DENND1A: variants seen among roughly 807,000 people sequenced by gnomAD.
DENND1A encodes the protein DENN domain-containing protein 1A.
DENND1A carries 51 observed loss-of-function variants against 113.7 expected under a neutral mutation model. The observed-to-expected ratio is 0.45, with a 90% confidence interval of 0.36 to 0.57. The LOEUF (loss-of-function observed/expected upper bound fraction) is 0.57. Ranked by LOEUF, DENND1A falls within the 20% of genes least tolerant of loss-of-function variation. The probability of loss-of-function intolerance (pLI) is 0.00; values close to 1 mark genes in which losing one functional copy is unlikely to be tolerated. For missense variants in DENND1A, 1,258 were observed against 1,395.9 expected, an observed-to-expected ratio of 0.90 and a Z score of 1.57; for synonymous variants, 565 against 570.8, an observed-to-expected ratio of 0.99 and a Z score of 0.14.
intron 13 of DENND1A, among the ~76,000 whole-genome samples, chr9:123,531,369 T>A (rs138864321): frequency 0.031 from 4,688 of 152,248 alleles, 86 homozygotes; most frequent in Middle Eastern, 0.071. Flanking sequence ...ACTTCATTTT[T>A]AAAAAATCTT....
At chr9:123,413,588 G>A in intron 19 of DENND1A, 2 of 985,568 alleles carry the variant, frequency 2.0e-6, no homozygotes, top group Non-Finnish European at 2.4e-6. Context: ...TGAGGGGAAA[G>A]CGGGTCCAGG....
At chr9:123,911,777 G>A (rs750632108) in intron 1 of DENND1A, among the ~76,000 whole-genome samples, 4 of 151,386 alleles carry the variant, frequency 2.6e-5, no homozygotes, top group East Asian at 3.9e-4. Flanking sequence ...TGCAAGCTCC[G>A]CCTCCTGGGT....
intron 13 of DENND1A, among the ~76,000 whole-genome samples, chr9:123,517,596 G>T (rs938850168): frequency 2.0e-5 from 3 of 152,044 alleles, no homozygotes; most frequent in African/African-American, 7.2e-5. Context: ...TCCAGCCTGG[G>T]CAACAGAGCA....
At chr9:123,588,596 G>A (rs1336662412) in intron 11 of DENND1A, among the ~76,000 whole-genome samples, 1 of 125,262 alleles carries the variant, frequency 8.0e-6, no homozygotes, top group Non-Finnish European at 1.6e-5. Context: ...CTCCAGCCTA[G>A]GTGACAAGAG....
At chr9:123,585,865 C>T (rs889475491) in intron 11 of DENND1A, among the ~76,000 whole-genome samples, 5 of 152,150 alleles carry the variant, frequency 3.3e-5, no homozygotes, top group African/African-American at 1.2e-4. Flanking sequence ...TCTCACTCCC[C>T]CTAGGGCTGC....
At chr9:123,897,915 G>C (rs567590024) in intron 1 of DENND1A, among the ~76,000 whole-genome samples, 1 of 150,082 alleles carries the variant, frequency 6.7e-6, no homozygotes, top group African/African-American at 2.5e-5. Flanking sequence ...ACTCCACTCC[G>C]GGCAACAGAG....
At chr9:123,447,262 G>C (rs1408841270) in intron 18 of DENND1A, among the ~76,000 whole-genome samples, 2 of 152,192 alleles carry the variant, frequency 1.3e-5, no homozygotes, top group Non-Finnish European at 2.9e-5. Flanking sequence ...TGACCACCTT[G>C]CTCCATTTAT....
intron 2 of DENND1A, among the ~76,000 whole-genome samples, chr9:123,812,310 C>A (rs566126509): frequency 1.3e-5 from 2 of 151,970 alleles, no homozygotes; most frequent in Admixed American, 1.3e-4. Flanking sequence ...GGATCCATTC[C>A]TTTTAATTGC....
intron 13 of DENND1A, among the ~76,000 whole-genome samples, chr9:123,481,150 C>A (rs1423613423): frequency 6.6e-6 from 1 of 152,144 alleles, no homozygotes; most frequent in Non-Finnish European, 1.5e-5. Flanking sequence ...CAGAGAAGCG[C>A]CTCTTTTGAA....
chr9:123,534,711 C>G (rs2055591920), intron 13 of DENND1A, among the ~76,000 whole-genome samples: 1 of 152,162 alleles, frequency 6.6e-6, no homozygotes, highest in Non-Finnish European at 1.5e-5. Flanking sequence ...GTCTTGTTTC[C>G]TTGATTATCA....
chr9:123,601,576 G>A (rs966776163), intron 11 of DENND1A, among the ~76,000 whole-genome samples: 1 of 152,120 alleles, frequency 6.6e-6, no homozygotes, highest in Non-Finnish European at 1.5e-5. Flanking sequence ...CCAGGACCAA[G>A]CCACCGTTCA....
chr9:123,929,863 G>A (rs1167384403), intron 1 of DENND1A, 26 bp downstream of exon 1: 2 of 266,496 alleles, frequency 7.5e-6, no homozygotes, highest in Non-Finnish European at 1.4e-5. Flanking sequence ...GCCCGGCCCG[G>A]CTCCGCCCGG....
intron 3 of DENND1A, among the ~76,000 whole-genome samples, chr9:123,774,007 G>A (rs1035473005): frequency 1.3e-5 from 2 of 152,122 alleles, no homozygotes; most frequent in South Asian, 2.1e-4. Context: ...GTCCAAAAAC[G>A]ACAGTGAAAG....
chr9:123,907,516 A>G (rs1182880255), intron 1 of DENND1A, among the ~76,000 whole-genome samples: 1 of 142,516 alleles, frequency 7.0e-6, no homozygotes, highest in Non-Finnish European at 1.5e-5. Context: ...TACAAAATCA[A>G]TGTACAAAAA....
intron 2 of DENND1A, among the ~76,000 whole-genome samples, chr9:123,878,542 T>C (rs1411939535): frequency 6.6e-6 from 1 of 152,230 alleles, no homozygotes; most frequent in African/African-American, 2.4e-5. Context: ...CATCTCCTTC[T>C]AGATTAGTGG....
intron 9 of DENND1A, among the ~76,000 whole-genome samples, chr9:123,632,557 C>A (rs2061522925): frequency 1.3e-5 from 2 of 152,088 alleles, no homozygotes; most frequent in South Asian, 4.1e-4. Context: ...TTCTGCTCAT[C>A]TTTAACTAGC....
intron 1 of DENND1A, among the ~76,000 whole-genome samples, chr9:123,903,273 A>C (rs2133918942): frequency 7.5e-6 from 1 of 132,926 alleles, no homozygotes; most frequent in East Asian, 2.4e-4. Flanking sequence ...CGGAGCTTGC[A>C]GTGAGCCGAG....
rs200676734 is a variant in DENND1A, at chr9:123,430,000, GA to G, written c.1488+10359del. Among the ~76,000 whole-genome samples, 6 of 151,020 alleles carry G rather than the reference GA, an allele frequency of 4.0e-5. No individual in the cohort carries two copies. The East Asian group carries it at 7.8e-4, about 20-fold the overall frequency. On this transcript the variant is annotated intron_variant, in intron 19 of 23. Transcript: ENST00000394215. ...ACAAGGGACTTGAACAAATTTACAA[GA>G]AAAAAAAATTCCATTAAAAAGTGAG...
chr9:123,423,383 C>G (rs2045467273), intron 19 of DENND1A, among the ~76,000 whole-genome samples: 1 of 152,234 alleles, frequency 6.6e-6, no homozygotes, highest in Non-Finnish European at 1.5e-5. Flanking sequence ...CAACTCGGCG[C>G]TCATCAGCCT....
Sources: allele counts gnomAD v4.1 joint callset (sites outside exome capture counted in the v4.1 genomes callset), GRCh38; gene constraint gnomAD v4.1.1; transcripts MANE v1.5; gene names NCBI Gene and HGNC (gene_info 2026-07-23, HGNC 2026-07-21).